Variants in ST8SIA2 observed in about 807,000 individuals in gnomAD.
The protein encoded by ST8SIA2 is alpha-2,8-sialyltransferase 8B.
Under a neutral mutation model 37.6 loss-of-function variants are expected in ST8SIA2, and 22 were observed. That is an observed-to-expected ratio of 0.58 (90% CI 0.42 to 0.83). The LOEUF (loss-of-function observed/expected upper bound fraction) is 0.83. Ranked by LOEUF, ST8SIA2 falls within the 40% of genes least tolerant of loss-of-function variation. The pLI is 0.00. For missense variants in ST8SIA2, 382 were observed against 484.7 expected, an observed-to-expected ratio of 0.79 and a Z score of 1.99; for synonymous variants, 205 against 201.2, an observed-to-expected ratio of 1.02 and a Z score of -0.16.
intron 1 of ST8SIA2, among the ~76,000 whole-genome samples, chr15:92,402,682 C>T (rs948273626): frequency 6.6e-6 from 1 of 152,164 alleles, no homozygotes; most frequent in African/African-American, 2.4e-5. Flanking sequence ...AAGATCAGTA[C>T]AATTTAGGGT....
intron 4 of ST8SIA2, among the ~76,000 whole-genome samples, chr15:92,443,038 C>G (rs1196613682): frequency 6.6e-6 from 1 of 152,074 alleles, no homozygotes; most frequent in Non-Finnish European, 1.5e-5. Flanking sequence ...CTGGCACACA[C>G]CAGGGGCTCA....
chr15:92,431,158 C>G (rs1230005991), intron 2 of ST8SIA2, among the ~76,000 whole-genome samples: 1 of 152,172 alleles, frequency 6.6e-6, no homozygotes, highest in Non-Finnish European at 1.5e-5. Context: ...CTAAGTCTCT[C>G]TCTGTTCTAT....
intron 5 of ST8SIA2, among the ~76,000 whole-genome samples, chr15:92,454,415 A>G (rs778214269): frequency 2.0e-5 from 3 of 152,068 alleles, no homozygotes; most frequent in Non-Finnish European, 4.4e-5. Context: ...CTCCAAATAC[A>G]GTCACATTCC....
intron 1 of ST8SIA2, among the ~76,000 whole-genome samples, chr15:92,424,484 A>G (rs1226037859): frequency 6.6e-6 from 1 of 152,216 alleles, no homozygotes; most frequent in East Asian, 1.9e-4. Flanking sequence ...ACTAGAATAG[A>G]TCCAGCTGTG....
At chr15:92,424,957 C>G (rs1285340715) in intron 1 of ST8SIA2, among the ~76,000 whole-genome samples, 1 of 152,174 alleles carries the variant, frequency 6.6e-6, no homozygotes, top group Non-Finnish European at 1.5e-5. Flanking sequence ...GCAGCAGGGT[C>G]AAATGGACAG....
chr15:92,400,376 ACT>A (rs1032205927), intron 1 of ST8SIA2, among the ~76,000 whole-genome samples: 4 of 152,272 alleles, frequency 2.6e-5, no homozygotes, highest in African/African-American at 9.6e-5. Flanking sequence ...GAAGGAACAA[ACT>A]CTGACCGAGG....
intron 1 of ST8SIA2, among the ~76,000 whole-genome samples, chr15:92,415,415 A>G (rs2049579472): frequency 6.6e-6 from 1 of 151,922 alleles, no homozygotes. Context: ...AAGTGACATG[A>G]GCTGAATTTT....
chr15:92,407,282 C>A (rs2049515515), intron 1 of ST8SIA2, among the ~76,000 whole-genome samples: 1 of 152,184 alleles, frequency 6.6e-6, no homozygotes, highest in Non-Finnish European at 1.5e-5. Flanking sequence ...GCATATTTCT[C>A]TTCCTTTGTC....
Position 92,407,010 on chromosome 15 carries a change from AAAAG to A in ST8SIA2, c.98+12852_98+12855del, listed in dbSNP as rs1190925924. 4.1e-5 allele frequency among the ~76,000 whole-genome samples: 6 copies of A among 145,140 alleles called. No homozygotes were observed. The East Asian group carries it at 1.2e-3, about 28-fold the overall frequency. On this transcript the variant is annotated intron_variant, in intron 1 of 5. Coordinates refer to ENST00000268164, the MANE Select transcript of ST8SIA2 (RefSeq NM_006011.4). The stretch of plus-strand genomic sequence containing the variant: ...ACCCTGTCTCAAAAAAAAAAAAAAG[AAAAG>A]AAAAAAAAAAACACTACAAAGAAAA...
intron 5 of ST8SIA2, 199 bp downstream of exon 5, chr15:92,445,128 G>A (rs1346883966): frequency 4.0e-6 from 3 of 752,590 alleles, no homozygotes; most frequent in African/African-American, 1.7e-5. Flanking sequence ...CATCTGGCAT[G>A]CCAATTTTGA....
chr15:92,464,326 A>G lies in ST8SIA2; in HGVS notation c.1069A>G (p.Ser357Gly). 6.2e-7 allele frequency: 1 copy of G among 1,613,840 alleles called. No individual in the cohort carries two copies. ...GCCCTTGGAGTTTAAGGCCCTCAAG[A>G]GCCTACATGAGCAGGGGGCTTTGAA... ...TMPLEFKALK[S>G]LHEQGALKLT... The change falls in exon 6 of 6, where the codon AGC becomes GGC. Residue 357 changes from serine (S) to glycine (G), a missense_variant. Physicochemically the swap from Ser to Gly is moderately conservative, Grantham distance 56. Coordinates refer to ENST00000268164, the MANE Select transcript of ST8SIA2 (RefSeq NM_006011.4).
chr15:92,443,334 G>A (rs1288238890), intron 4 of ST8SIA2, among the ~76,000 whole-genome samples: 1 of 152,112 alleles, frequency 6.6e-6, no homozygotes, highest in Non-Finnish European at 1.5e-5. Context: ...CCAGTCCTAG[G>A]CACAGGCAGG....
rs2049408241 is a variant in ST8SIA2 at position 92,393,902 on chromosome 15, GC to G, written c.-161del. 1 of 249,826 alleles carries G rather than the reference GC, an allele frequency of 4.0e-6. No homozygotes were observed. Among genetic ancestry groups the G allele is most frequent in the Admixed American group, 5.8e-5 (1 of 17,234 alleles). The allele number at this position is 249,826 out of a possible 1,614,324, so 15.5% of individuals were successfully genotyped here. On this transcript the variant is annotated 5_prime_UTR_variant, in exon 1 of 6. Coordinates refer to ENST00000268164, the MANE Select transcript of ST8SIA2 (RefSeq NM_006011.4). ...GCCTGAGCAACCCCTGCCTGTCGCT[GC>G]CGCTGCCGCTGCCGCTGCCGCCGCC...
At chr15:92,396,638 C>CGG (rs2049433725) in intron 1 of ST8SIA2, among the ~76,000 whole-genome samples, 2 of 152,010 alleles carry the variant, frequency 1.3e-5, no homozygotes, top group South Asian at 4.1e-4. Flanking sequence ...GGATTACAGG[C>CGG]ACCTGCCACC....
intron 2 of ST8SIA2, 22 bp from the exon 3 acceptor site, chr15:92,434,225 T>C (rs773448197): frequency 1.9e-6 from 3 of 1,613,790 alleles, no homozygotes; most frequent in Non-Finnish European, 2.5e-6. Context: ...GTCTACCCTC[T>C]TTCTTTTTTT....
chr15:92,462,106 C>T (rs1313783043), intron 5 of ST8SIA2, among the ~76,000 whole-genome samples: 2 of 151,234 alleles, frequency 1.3e-5, no homozygotes, highest in African/African-American at 4.9e-5. Flanking sequence ...CTAGGGGCCA[C>T]CCAAGGAGGC....
At chr15:92,464,078 T>TC (rs2141855065) in intron 5 of ST8SIA2, 22 bp from the exon 6 acceptor site, 1 of 1,469,350 alleles carries the variant, frequency 6.8e-7, no homozygotes, top group African/African-American at 1.6e-5. Context: ...TTTTCTTTTT[T>TC]TTTTTTTTTT....
At chr15:92,425,594 C>T (rs1025492148) in intron 1 of ST8SIA2, among the ~76,000 whole-genome samples, 3 of 152,170 alleles carry the variant, frequency 2.0e-5, no homozygotes, top group South Asian at 2.1e-4. Context: ...ACTCACATCA[C>T]GGGGCTCTAC....
intron 5 of ST8SIA2, among the ~76,000 whole-genome samples, chr15:92,459,318 TGG>T (rs1046720724): frequency 6.6e-6 from 1 of 152,162 alleles, no homozygotes; most frequent in Non-Finnish European, 1.5e-5. Flanking sequence ...CGACGATCCC[TGG>T]GTAACGTCAG....
Sources: allele counts gnomAD v4.1 joint callset (sites outside exome capture counted in the v4.1 genomes callset), GRCh38; gene constraint gnomAD v4.1.1; transcripts MANE v1.5; gene names NCBI Gene and HGNC (gene_info 2026-07-23, HGNC 2026-07-21).